Variants in SP100 observed in about 807,000 individuals in gnomAD.
SP100 encodes nuclear autoantigen Sp-100.
SP100 carries 84 observed loss-of-function variants against 130.0 expected under a neutral mutation model. The ratio of observed to expected loss-of-function variants is 0.65; its 90% CI spans 0.54 to 0.77. SP100 has a LOEUF of 0.77. Ranked by LOEUF, SP100 falls within the 30% of genes least tolerant of loss-of-function variation. The pLI is 0.00. For missense variants in SP100, 978 were observed against 1,052.2 expected (o/e 0.93, Z 0.97); for synonymous variants, 331 against 351.7 (o/e 0.94, Z 0.66).
chr2:230,434,972 C>A (rs2063207620), intron 2 of SP100, among the ~76,000 whole-genome samples: 1 of 152,156 alleles, frequency 6.6e-6, no homozygotes, highest in Non-Finnish European at 1.5e-5. Flanking sequence ...GAAAGTTCTG[C>A]AGTTCTTGTT....
chr2:230,514,533 T>C (rs1056229992), intron 24 of SP100, among the ~76,000 whole-genome samples: 1 of 152,224 alleles, frequency 6.6e-6, no homozygotes. Flanking sequence ...AACTATGCTA[T>C]AATTTTCTTC....
intron 8 of SP100, among the ~76,000 whole-genome samples, chr2:230,454,960 C>G (rs1575640470): frequency 6.6e-6 from 1 of 152,108 alleles, no homozygotes; most frequent in Non-Finnish European, 1.5e-5. Flanking sequence ...TTTAGTTGCT[C>G]AAATATTGGG....
chr2:230,469,071 T>C lies in SP100; in HGVS notation c.1320T>C (p.Thr440=). The change falls in exon 14 of 29, where the codon ACT becomes ACC. Residue 440 remains threonine (T), a synonymous_variant. Coordinates refer to ENST00000340126, the MANE Select transcript of SP100 (RefSeq NM_001080391.2). ...CTATGACTTCTAGAAGTACATCTAC[T>C]TGGAGAATACCCAGCAGGAAGAGAC... The part of the protein sequence containing the change: ...KAPMTSRSTS[T]WRIPSRKRRF... 1 of 1,599,108 alleles carries C rather than the reference T, an allele frequency of 6.3e-7. No individual in the cohort carries two copies. The highest frequency in any genetic ancestry group is 8.6e-7 in the Non-Finnish European group (1 of 1,168,358).
At chr2:230,449,263 T>C (rs2063848906) in intron 6 of SP100, 113 bp downstream of exon 6, 1 of 1,095,256 alleles carries the variant, frequency 9.1e-7, no homozygotes, top group East Asian at 2.4e-5. Flanking sequence ...AGGTTTTACA[T>C]CTACAGTTTT....
intron 8 of SP100, 145 bp from the exon 9 acceptor site, chr2:230,461,117 G>T: frequency 2.9e-6 from 2 of 691,820 alleles, no homozygotes; most frequent in South Asian, 2.0e-5. Context: ...ACAAAGGAAG[G>T]GACAGAGTTG....
chr2:230,508,101 A>G, intron 23 of SP100, 70 bp downstream of exon 23: 2 of 1,589,560 alleles, frequency 1.3e-6, no homozygotes, highest in Non-Finnish European at 1.7e-6. Flanking sequence ...CTGTGGACTT[A>G]CAGTCTTTAA....
chr2:230,503,656 AC>A (rs1464290045), intron 20 of SP100, among the ~76,000 whole-genome samples: 1 of 151,860 alleles, frequency 6.6e-6, no homozygotes, highest in Non-Finnish European at 1.5e-5. Flanking sequence ...TTCTTCTAGA[AC>A]CCCCCACACC....
rs558848905 is a variant in SP100 at position 230,545,470 on chromosome 2, T to G, written c.*2524T>G. 6.6e-6 allele frequency among the ~76,000 whole-genome samples: 1 copy of G among 152,246 alleles called. No homozygotes were observed. The highest frequency in any genetic ancestry group is 6.5e-5 in the Admixed American group (1 of 15,298). On this transcript the variant is annotated 3_prime_UTR_variant, in exon 29 of 29. Coordinates refer to ENST00000340126, the MANE Select transcript of SP100 (RefSeq NM_001080391.2). The stretch of plus-strand genomic sequence containing the variant: ...GGGAGAGGAGCAGAAAAAGTACCTA[T>G]TGGTGATGAAGTACTCTGTACAACA...
chr2:230,503,345 GTTGA>G (rs933245793), intron 20 of SP100, among the ~76,000 whole-genome samples: 3 of 152,046 alleles, frequency 2.0e-5, no homozygotes, highest in Non-Finnish European at 2.9e-5. Context: ...GTTCTTTTTT[GTTGA>G]TTGATTGATT....
intron 25 of SP100, 83 bp downstream of exon 25, chr2:230,539,465 T>A: frequency 2.2e-6 from 2 of 894,092 alleles, no homozygotes; most frequent in South Asian, 2.8e-5. Context: ...TCTGCAGAGT[T>A]TCTGTACCTG....
chr2:230,510,917 A>G (rs1348698522), intron 23 of SP100: 3 of 595,240 alleles, frequency 5.0e-6, no homozygotes, highest in Non-Finnish European at 9.0e-6. Context: ...GAGCCAGGAA[A>G]TGGCACTTGC....
chr2:230,533,129 A>G (rs1691783040), intron 24 of SP100, among the ~76,000 whole-genome samples: 1 of 152,308 alleles, frequency 6.6e-6, no homozygotes, highest in East Asian at 1.9e-4. Context: ...GTGTGTGCTT[A>G]ATCTCATTTT....
chr2:230,469,865 G>T, intron 14 of SP100, 150 bp from the exon 15 acceptor site: 1 of 1,511,280 alleles, frequency 6.6e-7, no homozygotes, highest in Non-Finnish European at 8.9e-7. Flanking sequence ...CAACAGGTCA[G>T]ATGATCAAAG....
chr2:230,476,601 T>A (rs16827283), intron 17 of SP100, among the ~76,000 whole-genome samples: 16,419 of 152,184 alleles, frequency 0.11, 1,017 homozygotes, highest in Middle Eastern at 0.17. Flanking sequence ...TTACTATGCA[T>A]GTATTAACAC....
Position 230,479,197 on chromosome 2 carries a change from T to C in SP100, c.1600+4750T>C, listed in dbSNP as rs1297803320. Among the ~76,000 whole-genome samples the C allele has an allele frequency of 2.0e-5, 3 of 152,198 alleles. No individual in the cohort carries two copies. The East Asian group carries it at 5.8e-4, about 29-fold the overall frequency. On this transcript the variant is annotated intron_variant, in intron 17 of 28. Coordinates refer to ENST00000340126, the MANE Select transcript of SP100 (RefSeq NM_001080391.2). ...AATGAGCTCCAGATCCCATATCATTTTATTTTCAGATTTCCTTTCTGTCTT... is the reference window on the plus strand; with the variant it reads ...AATGAGCTCCAGATCCCATATCATTCTATTTTCAGATTTCCTTTCTGTCTT...
intron 17 of SP100, among the ~76,000 whole-genome samples, chr2:230,488,692 C>T (rs184963400): frequency 0.023 from 3,503 of 152,274 alleles, 66 homozygotes; most frequent in Non-Finnish European, 0.033. Context: ...GGATTACAGG[C>T]GTGAGCCACA....
chr2:230,530,141 A>G (rs1037132526), intron 24 of SP100, among the ~76,000 whole-genome samples: 2 of 152,230 alleles, frequency 1.3e-5, no homozygotes, highest in African/African-American at 4.8e-5. Context: ...AAGCAAAAAG[A>G]ACAAAGCTAG....
At chr2:230,477,782 T>C (rs2065632026) in intron 17 of SP100, among the ~76,000 whole-genome samples, 1 of 152,070 alleles carries the variant, frequency 6.6e-6, no homozygotes. Context: ...AGAAATGCAT[T>C]GAACTGGCTA....
At chr2:230,537,952 C>G in intron 24 of SP100, 1 of 152,298 alleles carries the variant, frequency 6.6e-6, no homozygotes, top group Non-Finnish European at 1.5e-5. Flanking sequence ...AGAGGCAGAG[C>G]CCAAGGCTGT....
Sources: allele counts gnomAD v4.1 joint callset (sites outside exome capture counted in the v4.1 genomes callset), GRCh38; gene constraint gnomAD v4.1.1; transcripts MANE v1.5; gene names NCBI Gene and HGNC (gene_info 2026-07-23, HGNC 2026-07-21).